Variants in PCDH1 observed in about 807,000 individuals in gnomAD.
The protein encoded by PCDH1 is protocadherin-1.
Under a neutral mutation model 74.6 loss-of-function variants are expected in PCDH1, and 23 were observed. The ratio of observed to expected loss-of-function variants is 0.31; its 90% CI spans 0.22 to 0.44. The LOEUF (loss-of-function observed/expected upper bound fraction) is 0.44. Among genes scored for constraint, PCDH1 ranks in the 20% least tolerant of loss-of-function variants. The pLI is 1.00. For missense variants in PCDH1, 1,214 were observed against 1,641.4 expected (o/e 0.74, Z 4.50); for synonymous variants, 647 against 686.1 (o/e 0.94, Z 0.89).
In PCDH1 at chr5:141,854,134, A is replaced by G. The variant is rs753240172; in HGVS notation, c.3622T>C (p.Leu1208=). The change falls in exon 5 of 5, where the codon TTG becomes CTG. Residue 1208 remains leucine (L), a synonymous_variant. Coordinates refer to ENST00000287008, the MANE Select transcript of PCDH1 (RefSeq NM_032420.5). ...SHDSCKDSAT[L]EEIPLTQTSD... ...GTCTGGGTCAGGGGGATTTCCTCCA[A>G]GGTGGCCGAGTCCTTGCAGGAATCA... is the stretch of plus-strand genomic sequence containing the variant. The G allele has an allele frequency of 6.3e-7, 1 of 1,595,384 alleles. No homozygotes were observed. The highest frequency in any genetic ancestry group is 2.2e-5 in the East Asian group (1 of 44,532).
Position 141,868,563 on chromosome 5 carries a change from T to A in PCDH1, c.903+6A>T. ...CCCTGACAGTTATACGGAGGGGGCC[T>A]CTCACCTGGATGACCGAGTGGCCTA... On this transcript the variant is annotated splice_donor_region_variant and intron_variant, in intron 2 of 4. Transcript: ENST00000287008. The surrounding 1 kb of genome is among the most constrained non-coding windows in gnomAD (Gnocchi z 4.8). The A allele has an allele frequency of 2.0e-6, 3 of 1,524,808 alleles. No individual in the cohort carries two copies. Among genetic ancestry groups the A allele is most frequent in the Non-Finnish European group, 2.6e-6 (3 of 1,137,476 alleles). 94.5% of individuals were successfully genotyped at this position (1,524,808 alleles called of 1,614,324 possible). A position where few individuals can be genotyped will look rare whatever the true frequency, so the allele number is the denominator to read the frequency against.
At chr5:141,861,980 A>T (rs1312172621) in intron 3 of PCDH1, among the ~76,000 whole-genome samples, 2 of 151,658 alleles carry the variant, frequency 1.3e-5, no homozygotes, top group Non-Finnish European at 2.9e-5. Context: ...TGAGCAGGGA[A>T]CCCCCTAAGA....
intron 2 of PCDH1, among the ~76,000 whole-genome samples, chr5:141,867,146 C>T (rs1284038998): frequency 6.6e-6 from 1 of 152,244 alleles, no homozygotes; most frequent in African/African-American, 2.4e-5. Context: ...TTATCTGTCT[C>T]TTGTCTTACC....
At chr5:141,860,430 C>T (rs1336578907) in intron 3 of PCDH1, among the ~76,000 whole-genome samples, 1 of 148,948 alleles carries the variant, frequency 6.7e-6, no homozygotes, top group African/African-American at 2.5e-5. Flanking sequence ...GCCCAGGTGG[C>T]AGAGGTTGCA....
Position 141,865,199 on chromosome 5 carries a change from T to C in PCDH1, c.1132A>G (p.Lys378Glu). The C allele has an allele frequency of 1.2e-6, 2 of 1,614,192 alleles. No homozygotes were observed. The highest frequency in any genetic ancestry group is 1.7e-6 in the Non-Finnish European group (2 of 1,180,034). ...GTGGGGGCATTGTCATTCATGTCCT[T>C]CACGGTCACAACCACCTGGGCACGG... The part of the protein sequence containing the change: ...SARAQVVVTV[K>E]DMNDNAPTIE... The change falls in exon 3 of 5, where the codon AAG becomes GAG. Residue 378 changes from lysine to glutamate, a missense_variant. Coordinates refer to ENST00000287008, the MANE Select transcript of PCDH1 (RefSeq NM_032420.5). This position sits in a 1 kb window ranked among gnomAD's most constrained non-coding sequence, Gnocchi z 4.4.
chr5:141,858,596 G>A (rs1004392567), intron 3 of PCDH1, among the ~76,000 whole-genome samples: 1 of 152,172 alleles, frequency 6.6e-6, no homozygotes, highest in Non-Finnish European at 1.5e-5. Context: ...GATCAGCCCT[G>A]GAACCTGGCA....
intron 1 of PCDH1, among the ~76,000 whole-genome samples, chr5:141,873,495 G>A (rs1347880165): frequency 6.7e-6 from 1 of 149,706 alleles, no homozygotes; most frequent in African/African-American, 2.5e-5. Flanking sequence ...TGCCCAGGCT[G>A]GAGTGCAGGG....
chr5:141,868,547 T>G lies in PCDH1; in HGVS notation c.903+22A>C. On this transcript the variant is annotated intron_variant, in intron 2 of 4. Transcript: ENST00000287008. This position sits in a 1 kb window ranked among gnomAD's most constrained non-coding sequence, Gnocchi z 4.8. ...TTCTAGTGGTGGGTCACCCTGACAGTTATACGGAGGGGGCCTCTCACCTGG... is the reference window on the plus strand; with the variant it reads ...TTCTAGTGGTGGGTCACCCTGACAGGTATACGGAGGGGGCCTCTCACCTGG... 1 of 1,521,844 alleles carries G rather than the reference T, an allele frequency of 6.6e-7. No individual in the cohort carries two copies. The highest frequency in any genetic ancestry group is 8.8e-7 in the Non-Finnish European group (1 of 1,136,846). The allele number at this position is 1,521,844 out of a possible 1,614,324, so 94.3% of individuals were successfully genotyped here. A position where few individuals can be genotyped will look rare whatever the true frequency, so the allele number is the denominator to read the frequency against.
chr5:141,869,256 G>T lies in PCDH1; in HGVS notation c.216C>A (p.Thr72=), dbSNP rs1561487466. Residue 72 remains threonine, a synonymous_variant, in exon 2 of 5, where the codon ACC becomes ACA. Coordinates refer to ENST00000287008, the MANE Select transcript of PCDH1 (RefSeq NM_032420.5). This position sits in a 1 kb window ranked among gnomAD's most constrained non-coding sequence, Gnocchi z 4.9. ...AGTCGGCTGCGAGGCTCCCAATGAGGGTGTTGGGTGGCTGTTCCTCCGGCA... is the reference window on the plus strand; with the variant it reads ...AGTCGGCTGCGAGGCTCCCAATGAGTGTGTTGGGTGGCTGTTCCTCCGGCA... ...YKVPEEQPPN[T]LIGSLAADYG... 1 of 1,612,400 alleles carries T rather than the reference G, an allele frequency of 6.2e-7. No homozygotes were observed.
At position 141,865,152 on chromosome 5, in the gene PCDH1, C is replaced by T; in HGVS notation, c.1179G>A (p.Gly393=). ...CCATCCCATCTTGATGAGTCACTAG[C>T]CCTATGCCCCGGATCTCAATGGTGG... ...NAPTIEIRGI[G]LVTHQDGMAN... is the part of the protein sequence containing the mutation. Residue 393 remains glycine (G), a synonymous_variant, in exon 3 of 5, where the codon GGG becomes GGA. Coordinates refer to ENST00000287008, the MANE Select transcript of PCDH1 (RefSeq NM_032420.5). This position sits in a 1 kb window ranked among gnomAD's most constrained non-coding sequence, Gnocchi z 4.4. The T allele has an allele frequency of 6.2e-7, 1 of 1,614,160 alleles. No individual in the cohort carries two copies. Among genetic ancestry groups the T allele is most frequent in the Non-Finnish European group, 8.5e-7 (1 of 1,180,038 alleles).
chr5:141,870,714 G>A (rs1418240650), intron 1 of PCDH1, among the ~76,000 whole-genome samples: 2 of 151,994 alleles, frequency 1.3e-5, no homozygotes, highest in Non-Finnish European at 2.9e-5. Flanking sequence ...TGGCTTTGAG[G>A]TCGTGCATTT....
At chr5:141,854,641 C>G (rs781754919) in intron 4 of PCDH1, among the ~76,000 whole-genome samples, 1 of 152,082 alleles carries the variant, frequency 6.6e-6, no homozygotes, top group Non-Finnish European at 1.5e-5. Context: ...CACACGCACA[C>G]GCACACACAC....
intron 1 of PCDH1, among the ~76,000 whole-genome samples, chr5:141,876,608 T>C (rs1753241809): frequency 6.6e-6 from 1 of 152,170 alleles, no homozygotes; most frequent in Non-Finnish European, 1.5e-5. Flanking sequence ...AATTCTGACT[T>C]ACAGAGGGTA....
intron 3 of PCDH1, among the ~76,000 whole-genome samples, chr5:141,861,414 G>C (rs1752560496): frequency 6.6e-6 from 1 of 152,194 alleles, no homozygotes; most frequent in South Asian, 2.1e-4. Context: ...GATGGGTTAG[G>C]TTGGATTAGA....
At chr5:141,858,820 C>G (rs546451131) in intron 3 of PCDH1, among the ~76,000 whole-genome samples, 11 of 152,166 alleles carry the variant, frequency 7.2e-5, no homozygotes, top group Admixed American at 1.3e-4. Flanking sequence ...CTTTGTCTTA[C>G]TCTATAACTC....
At position 141,869,558 on chromosome 5, in the gene PCDH1, C is replaced by G; in HGVS notation, c.41-127G>C. On this transcript the variant is annotated intron_variant, in intron 1 of 4. Coordinates refer to ENST00000287008, the MANE Select transcript of PCDH1 (RefSeq NM_032420.5). This position sits in a 1 kb window ranked among gnomAD's most constrained non-coding sequence, Gnocchi z 4.9. ...ACGATTCTCCACAAGAGCAGTCAGT[C>G]CCAGCACAGAACCCCGATTCCAGAA... 14 of 1,537,208 alleles carry G rather than the reference C, an allele frequency of 9.1e-6. No homozygotes were observed. The highest frequency in any genetic ancestry group is 1.2e-5 in the Non-Finnish European group (14 of 1,147,590).
intron 1 of PCDH1, among the ~76,000 whole-genome samples, chr5:141,874,644 G>A (rs1221141879): frequency 6.6e-6 from 1 of 152,156 alleles, no homozygotes; most frequent in African/African-American, 2.4e-5. Context: ...GAGTTCACCC[G>A]GAAACTTCAC....
chr5:141,861,604 C>A (rs574054880), intron 3 of PCDH1, among the ~76,000 whole-genome samples: 1 of 152,134 alleles, frequency 6.6e-6, no homozygotes, highest in African/African-American at 2.4e-5. Context: ...CCCCACTCCT[C>A]CAAGGACCCA....
chr5:141,877,943 G>A (rs1753281562), intron 1 of PCDH1, among the ~76,000 whole-genome samples: 1 of 152,092 alleles, frequency 6.6e-6, no homozygotes. Context: ...CCTTATCCCC[G>A]TCTCTCCGAG....
Sources: allele counts gnomAD v4.1 joint callset (sites outside exome capture counted in the v4.1 genomes callset), GRCh38; gene constraint gnomAD v4.1.1; non-coding constraint Gnocchi (gnomAD v3.1); transcripts MANE v1.5; gene names NCBI Gene and HGNC (gene_info 2026-07-23, HGNC 2026-07-21).